The following GRM3 variants were observed in gnomAD, a reference collection of about 807,000 sequenced individuals.
GRM3 encodes glutamate metabotropic receptor 3, also known as metabotropic glutamate receptor 3.
GRM3 carries 26 observed loss-of-function variants against 70.5 expected under a neutral mutation model. That is an observed-to-expected ratio of 0.37 (90% CI 0.27 to 0.51). The LOEUF (loss-of-function observed/expected upper bound fraction) is 0.51. Among genes scored for constraint, GRM3 ranks in the 20% least tolerant of loss-of-function variants. The pLI, the probability that GRM3 is intolerant of heterozygous loss-of-function variation, is 0.93. For synonymous variants in GRM3, 443 were observed against 434.9 expected, an observed-to-expected ratio of 1.02 and a Z score of -0.23; for missense variants, 859 against 1,123.8, an observed-to-expected ratio of 0.76 and a Z score of 3.37.
intron 1 of GRM3, among the ~76,000 whole-genome samples, chr7:86,744,890 G>A (rs1234255534): frequency 1.3e-5 from 2 of 152,026 alleles, no homozygotes; most frequent in Admixed American, 1.3e-4. Context: ...AAGCAGACAT[G>A]GGCTTTCCTT....
chr7:86,660,983 A>G (rs1323548538), intron 1 of GRM3, among the ~76,000 whole-genome samples: 1 of 152,012 alleles, frequency 6.6e-6, no homozygotes, highest in African/African-American at 2.4e-5. Context: ...CCAACAACAA[A>G]TGAAAAATAA....
At chr7:86,783,759 A>C (rs1797143193) in intron 2 of GRM3, among the ~76,000 whole-genome samples, 1 of 152,168 alleles carries the variant, frequency 6.6e-6, no homozygotes, top group African/African-American at 2.4e-5. Context: ...ACTGTGATAA[A>C]ATTACTTCAA....
intron 1 of GRM3, among the ~76,000 whole-genome samples, chr7:86,728,787 G>C (rs1346703869): frequency 6.6e-6 from 1 of 152,182 alleles, no homozygotes; most frequent in Non-Finnish European, 1.5e-5. Flanking sequence ...AGCAGGTAGT[G>C]AAACTGGTAA....
chr7:86,663,160 A>G (rs1366534975), intron 1 of GRM3, among the ~76,000 whole-genome samples: 1 of 152,056 alleles, frequency 6.6e-6, no homozygotes, highest in East Asian at 1.9e-4. Flanking sequence ...GAGAATCTCA[A>G]GCTGAGCCCT....
intron 2 of GRM3, among the ~76,000 whole-genome samples, chr7:86,782,661 A>G (rs1343390310): frequency 2.0e-5 from 3 of 152,178 alleles, no homozygotes; most frequent in African/African-American, 7.2e-5. Context: ...GACGCCCCCA[A>G]CATACATACA....
chr7:86,663,647 A>T (rs1216672299), intron 1 of GRM3, among the ~76,000 whole-genome samples: 1 of 151,928 alleles, frequency 6.6e-6, no homozygotes, highest in African/African-American at 2.4e-5. Context: ...GAGATTGAAG[A>T]AGTAGTCTTG....
chr7:86,731,786 T>C (rs1278656633), intron 1 of GRM3, among the ~76,000 whole-genome samples: 2 of 152,218 alleles, frequency 1.3e-5, no homozygotes, highest in African/African-American at 2.4e-5. Context: ...AACATAATGG[T>C]ATTCAAGTAA....
chr7:86,855,370 G>A (rs1302195036), intron 5 of GRM3, among the ~76,000 whole-genome samples: 1 of 152,110 alleles, frequency 6.6e-6, no homozygotes, highest in Non-Finnish European at 1.5e-5. Context: ...AATGAAGTGT[G>A]CCCCATAGTC....
intron 2 of GRM3, among the ~76,000 whole-genome samples, chr7:86,776,527 C>A (rs1796896382): frequency 6.6e-6 from 1 of 151,830 alleles, no homozygotes; most frequent in African/African-American, 2.4e-5. Context: ...AAATGATAAT[C>A]ATTTAAGGAA....
intron 1 of GRM3, among the ~76,000 whole-genome samples, chr7:86,725,948 G>T (rs1167216143): frequency 6.6e-6 from 1 of 152,104 alleles, no homozygotes; most frequent in Non-Finnish European, 1.5e-5. Context: ...ATAAGACACT[G>T]CCCTCATGGC....
chr7:86,849,629 C>T (rs1339344827), intron 4 of GRM3, among the ~76,000 whole-genome samples: 2 of 152,030 alleles, frequency 1.3e-5, no homozygotes, highest in African/African-American at 4.8e-5. Flanking sequence ...GGAAAAAAAT[C>T]TAAAGTTACT....
chr7:86,816,890 A>C (rs1303227361), intron 3 of GRM3, among the ~76,000 whole-genome samples: 1 of 151,862 alleles, frequency 6.6e-6, no homozygotes, highest in African/African-American at 2.4e-5. Flanking sequence ...GGGAATTAGC[A>C]GTGTATTTAA....
rs113771488 is a variant in GRM3, at chr7:86,832,344, G to A, written c.1325-6495G>A. On this transcript the variant is annotated intron_variant, in intron 3 of 5. Coordinates refer to ENST00000361669, the MANE Select transcript of GRM3 (RefSeq NM_000840.3). ...CAGCTCACTGCAACCCCTGCCTCCC[G>A]GGTTCAAGCGATTCTTCTGCCTCAG... Among the ~76,000 whole-genome samples, 1,215 of 145,646 alleles carry A rather than the reference G, an allele frequency of 8.3e-3. 20 individuals are homozygous for A. Among genetic ancestry groups the A allele is most frequent in the African/African-American group, 0.03 (1,177 of 39,148 alleles).
At chr7:86,759,698 T>A (rs903244439) in intron 1 of GRM3, among the ~76,000 whole-genome samples, 4 of 152,138 alleles carry the variant, frequency 2.6e-5, no homozygotes, top group Non-Finnish European at 5.9e-5. Flanking sequence ...TATGGGAATT[T>A]AGCAAATGAA....
At chr7:86,742,918 G>T (rs908997418) in intron 1 of GRM3, among the ~76,000 whole-genome samples, 4 of 152,092 alleles carry the variant, frequency 2.6e-5, no homozygotes, top group Admixed American at 6.6e-5. Flanking sequence ...TGGGTTTTTA[G>T]TTCATTATTT....
At chr7:86,663,244 T>C (rs1793944310) in intron 1 of GRM3, among the ~76,000 whole-genome samples, 2 of 151,590 alleles carry the variant, frequency 1.3e-5, no homozygotes, top group Admixed American at 1.3e-4. Flanking sequence ...AGGTAAGGGG[T>C]AGGCCAAGAG....
chr7:86,667,085 T>G (rs1211100502), intron 1 of GRM3, among the ~76,000 whole-genome samples: 1 of 152,114 alleles, frequency 6.6e-6, no homozygotes, highest in Non-Finnish European at 1.5e-5. Context: ...AAGCAACTTA[T>G]CAAATCAAAG....
chr7:86,848,909 T>G (rs932324962), intron 4 of GRM3, among the ~76,000 whole-genome samples: 1 of 152,146 alleles, frequency 6.6e-6, no homozygotes, highest in Non-Finnish European at 1.5e-5. Context: ...ACTGAAGCAC[T>G]CCTTGCTAGG....
intron 1 of GRM3, among the ~76,000 whole-genome samples, chr7:86,738,497 A>G (rs2116311079): frequency 6.6e-6 from 1 of 152,232 alleles, no homozygotes; most frequent in Non-Finnish European, 1.5e-5. Context: ...ACATTATCTC[A>G]CTCAACTTAT....
Sources: gnomAD v4.1 joint callset for allele counts (sites outside exome capture counted in the v4.1 genomes callset) on GRCh38, gnomAD v4.1.1 for gene constraint, MANE v1.5 for transcripts, NCBI Gene and HGNC (gene_info 2026-07-23, HGNC 2026-07-21) for gene names.